Variants in FAF2 observed in about 807,000 individuals in gnomAD.
The protein encoded by FAF2 is FAS-associated factor 2.
FAF2 carries 9 observed loss-of-function variants against 62.3 expected under a neutral mutation model. That is an observed-to-expected ratio of 0.14 (90% CI 0.09 to 0.25). The LOEUF (loss-of-function observed/expected upper bound fraction) is 0.25. Among genes scored for constraint, FAF2 ranks in the 10% least tolerant of loss-of-function variants. The pLI is 1.00. For synonymous variants in FAF2, 202 were observed against 198.0 expected, an observed-to-expected ratio of 1.02 and a Z score of -0.17; for missense variants, 368 against 556.2, an observed-to-expected ratio of 0.66 and a Z score of 3.40.
At chr5:176,499,969 G>T (rs991703045) in intron 9 of FAF2, 34 bp from the exon 10 acceptor site, 65 of 1,612,038 alleles carry the variant, frequency 4.0e-5, no homozygotes, top group Non-Finnish European at 5.5e-5. Flanking sequence ...TATTTCTTGA[G>T]CTGTAGCCTC....
chr5:176,498,698 G>GT (rs777965557), intron 8 of FAF2, among the ~76,000 whole-genome samples: 7 of 152,130 alleles, frequency 4.6e-5, no homozygotes, highest in Non-Finnish European at 1.0e-4. Context: ...AAAGCTTGCT[G>GT]TTTCCTTTTC....
intron 10 of FAF2, among the ~76,000 whole-genome samples, chr5:176,501,256 G>T (rs1451708019): frequency 6.6e-6 from 1 of 152,192 alleles, no homozygotes; most frequent in Non-Finnish European, 1.5e-5. Flanking sequence ...GTAACCAAAA[G>T]AAAATTTATT....
chr5:176,490,472 C>T (rs1758954596), intron 4 of FAF2, among the ~76,000 whole-genome samples: 1 of 151,934 alleles, frequency 6.6e-6, no homozygotes, highest in Non-Finnish European at 1.5e-5. Context: ...GTAGTCTGGG[C>T]CTTCCCTGGA....
At chr5:176,493,403 G>T (rs976663741) in intron 5 of FAF2, among the ~76,000 whole-genome samples, 1 of 152,248 alleles carries the variant, frequency 6.6e-6, no homozygotes, top group African/African-American at 2.4e-5. Context: ...GACCATGTCA[G>T]CAGTCGTACA....
chr5:176,504,980 A>G (rs1282260310), intron 10 of FAF2, among the ~76,000 whole-genome samples: 1 of 149,074 alleles, frequency 6.7e-6, no homozygotes, highest in African/African-American at 2.5e-5. Context: ...TCGTGTTTGC[A>G]CCACTGCACT....
intron 1 of FAF2, among the ~76,000 whole-genome samples, chr5:176,456,516 A>G (rs146948428): frequency 1.4e-3 from 216 of 152,266 alleles, no homozygotes; most frequent in African/African-American, 5.1e-3. Flanking sequence ...TGAGGTCCTT[A>G]AGGAATTGCA....
At chr5:176,472,236 T>C (rs1316327476) in intron 1 of FAF2, among the ~76,000 whole-genome samples, 1 of 151,458 alleles carries the variant, frequency 6.6e-6, no homozygotes, top group Non-Finnish European at 1.5e-5. Context: ...AACCTCCGTC[T>C]CCCGGGTTCA....
At chr5:176,469,043 G>A (rs1486679959) in intron 1 of FAF2, among the ~76,000 whole-genome samples, 2 of 151,930 alleles carry the variant, frequency 1.3e-5, no homozygotes, top group African/African-American at 2.4e-5. Context: ...TCAGGAGTTC[G>A]AGACCAGCCT....
rs778673844 is a variant in FAF2, at chr5:176,509,033, T to C, written c.*2083T>C. 2.0e-5 allele frequency: 3 copies of C among 152,210 alleles called. No homozygotes were observed. Among genetic ancestry groups the C allele is most frequent in the Non-Finnish European group, 4.4e-5 (3 of 68,036 alleles). The allele number at this position is 152,210 out of a possible 1,614,324, so 9.4% of individuals were successfully genotyped here. On this transcript the variant is annotated 3_prime_UTR_variant, in exon 11 of 11. Transcript: ENST00000261942. ...CTTTATGCCTCTCGCCTTTTGATAATAGTTGTTCAGTGAAGGAAGTCAGCT... is the reference window on the plus strand; with the variant it reads ...CTTTATGCCTCTCGCCTTTTGATAACAGTTGTTCAGTGAAGGAAGTCAGCT...
chr5:176,499,616 CT>C (rs879781609), intron 9 of FAF2, among the ~76,000 whole-genome samples: 303 of 143,840 alleles, frequency 2.1e-3, no homozygotes, highest in Non-Finnish European at 1.8e-3. Context: ...CCTTTTATTT[CT>C]TTTTTTTTTT....
chr5:176,503,880 G>A lies in FAF2; in HGVS notation c.1156-2888G>A, dbSNP rs538797190. On this transcript the variant is annotated intron_variant, in intron 10 of 10. Transcript: ENST00000261942. ...TTTGCCATTAGTAATAAAAAATGCC[G>A]GCCGAGTGCGGTGGCTCATGCCTGT... 5.9e-5 allele frequency among the ~76,000 whole-genome samples: 9 copies of A among 152,178 alleles called. No homozygotes were observed. In the South Asian group the frequency reaches 1.9e-3, roughly 32 times the overall value.
intron 1 of FAF2, among the ~76,000 whole-genome samples, chr5:176,468,101 A>T (rs1758503909): frequency 6.6e-6 from 1 of 151,578 alleles, no homozygotes; most frequent in African/African-American, 2.4e-5. Context: ...GGAAGCGGAG[A>T]TTGTGGTGAG....
chr5:176,494,710 A>C lies in FAF2; in HGVS notation c.661+435A>C, dbSNP rs1307225456. ...GCTGGAACTACAGGCATGCACCACC[A>C]CGCCCAGCTAATTTTTTTGTATTTT... On this transcript the variant is annotated intron_variant, in intron 7 of 10. Coordinates refer to ENST00000261942, the MANE Select transcript of FAF2 (RefSeq NM_014613.3). This position sits in a 1 kb window ranked among gnomAD's most constrained non-coding sequence, Gnocchi z 4.0. Among the ~76,000 whole-genome samples the C allele has an allele frequency of 6.6e-6, 1 of 151,978 alleles. No homozygotes were observed. The highest frequency in any genetic ancestry group is 2.4e-5 in the African/African-American group (1 of 41,364).
chr5:176,448,598 C>T (rs536760906), intron 1 of FAF2, 128 bp downstream of exon 1: 3 of 892,512 alleles, frequency 3.4e-6, no homozygotes, highest in African/African-American at 3.4e-5. Flanking sequence ...CCCTCCCCCC[C>T]AGACTCCAAC....
chr5:176,456,540 A>G (rs1050213744), intron 1 of FAF2, among the ~76,000 whole-genome samples: 1 of 145,504 alleles, frequency 6.9e-6, no homozygotes, highest in Non-Finnish European at 1.5e-5. Flanking sequence ...TAAAACAGCA[A>G]TGAAACAGGA....
rs138779393 is a variant in FAF2, at chr5:176,485,001, AAAAG to A, written c.133-1350_133-1347del. Among the ~76,000 whole-genome samples the A allele has an allele frequency of 2.0e-4, 31 of 152,372 alleles. No individual in the cohort carries two copies. In the East Asian group the frequency reaches 5.2e-3, roughly 26 times the overall value. ...GTGTTTGTGAAATTGTGAAGAAAGA[AAAAG>A]AAATTCATAGTAGTTTTATGGTCAC... On this transcript the variant is annotated intron_variant, in intron 2 of 10. Coordinates refer to ENST00000261942, the MANE Select transcript of FAF2 (RefSeq NM_014613.3).
intron 4 of FAF2, among the ~76,000 whole-genome samples, chr5:176,489,773 C>T (rs1758940157): frequency 6.6e-6 from 1 of 152,162 alleles, no homozygotes; most frequent in Admixed American, 6.6e-5. Context: ...TCTTGAGCTC[C>T]CGGCCTCAAG....
intron 1 of FAF2, among the ~76,000 whole-genome samples, chr5:176,471,438 A>AGTG (rs1177912711): frequency 7.4e-6 from 1 of 135,524 alleles, no homozygotes. Context: ...GCTGGAGTGC[A>AGTG]GTGGTACGAT....
chr5:176,448,743 C>T (rs987552700), intron 1 of FAF2, among the ~76,000 whole-genome samples: 20 of 152,312 alleles, frequency 1.3e-4, no homozygotes, highest in African/African-American at 4.6e-4. Flanking sequence ...CGGCGTCAGT[C>T]CTCAGCCATC....
Sources: allele counts gnomAD v4.1 joint callset (sites outside exome capture counted in the v4.1 genomes callset), GRCh38; gene constraint gnomAD v4.1.1; non-coding constraint Gnocchi (gnomAD v3.1); transcripts MANE v1.5; gene names NCBI Gene and HGNC (gene_info 2026-07-23, HGNC 2026-07-21).